SAMD5: variants seen among roughly 807,000 people sequenced by gnomAD.
SAMD5 encodes sterile alpha motif domain containing 5.
In SAMD5, 13 loss-of-function variants were observed where a neutral mutation model predicts 11.3. The ratio of observed to expected loss-of-function variants is 1.15; its 90% CI spans 0.75 to 1.83. The LOEUF (loss-of-function observed/expected upper bound fraction) is 1.83, where lower values mean the gene tolerates loss of function less well. Among genes scored for constraint, SAMD5 ranks in the 40% most tolerant of loss-of-function variants. The pLI, the probability that SAMD5 is intolerant of heterozygous loss-of-function variation, is 0.00. For missense variants in SAMD5, 255 were observed against 239.1 expected, an observed-to-expected ratio of 1.07 and a Z score of -0.44; for synonymous variants, 129 against 111.3, an observed-to-expected ratio of 1.16 and a Z score of -1.00.
intron 1 of SAMD5, among the ~76,000 whole-genome samples, chr6:147,683,125 G>T (rs1372926789): frequency 6.6e-6 from 1 of 152,172 alleles, no homozygotes; most frequent in Non-Finnish European, 1.5e-5. Context: ...TGATCATTGG[G>T]GCAGAGATTA....
Position 147,619,903 on chromosome 6 carries a change from C to A in SAMD5, c.162+110516C>A, listed in dbSNP as rs377333128. Among the ~76,000 whole-genome samples the A allele has an allele frequency of 5.8e-4, 89 of 152,330 alleles. 1 individual carries two copies. Among genetic ancestry groups the A allele is most frequent in the African/African-American group, 2.1e-3 (86 of 41,584 alleles). ...CTGGCTGTCCCTGATGGAGTCACTG[C>A]AGAGGGTCTAGTGGAATCCTAAGAG... On this transcript the variant is annotated intron_variant, in intron 1 of 1. Coordinates refer to the SAMD5 transcript ENST00000566741.
chr6:147,596,203 GTGTT>G (rs1292015069), intron 1 of SAMD5, among the ~76,000 whole-genome samples: 2 of 152,124 alleles, frequency 1.3e-5, no homozygotes, highest in Non-Finnish European at 2.9e-5. Context: ...CCAGGATTCT[GTGTT>G]TGTTGATTCT....
chr6:147,946,439 A>G, the SAMD5 span, among the ~76,000 whole-genome samples: 1 of 152,214 alleles, frequency 6.6e-6, no homozygotes, highest in Admixed American at 6.5e-5. Context: ...GAACTTTTTC[A>G]TGGAGCAGTA....
chr6:147,606,978 A>AAAAAAAAAC (rs397708065), intron 1 of SAMD5, among the ~76,000 whole-genome samples: 24 of 148,238 alleles, frequency 1.6e-4, no homozygotes, highest in African/African-American at 4.3e-4. Flanking sequence ...AAAAAAAAAA[A>AAAAAAAAAC]CAGAAAGAGA....
the SAMD5 span, among the ~76,000 whole-genome samples, chr6:147,771,957 C>T: frequency 6.6e-6 from 1 of 152,092 alleles, no homozygotes; most frequent in Admixed American, 6.6e-5. Context: ...TAAACATTTA[C>T]TGAAAGAAAA....
chr6:147,871,295 A>G, the SAMD5 span, among the ~76,000 whole-genome samples: 1 of 152,100 alleles, frequency 6.6e-6, no homozygotes, highest in Non-Finnish European at 1.5e-5. Flanking sequence ...CATATGACAA[A>G]TTTTTTTCTT....
At chr6:147,562,823 A>C (rs1788974939) in intron 1 of SAMD5, among the ~76,000 whole-genome samples, 1 of 151,522 alleles carries the variant, frequency 6.6e-6, no homozygotes, top group Admixed American at 6.6e-5. Context: ...CTCCGTCTCA[A>C]AAAAAAATAA....
At chr6:147,800,110 G>A in the SAMD5 span, among the ~76,000 whole-genome samples, 1 of 152,234 alleles carries the variant, frequency 6.6e-6, no homozygotes. Flanking sequence ...CATTGCTGGT[G>A]AGGAACTGCA....
chr6:147,535,363 A>G (rs1788492418), intron 1 of SAMD5, among the ~76,000 whole-genome samples: 1 of 152,218 alleles, frequency 6.6e-6, no homozygotes, highest in African/African-American at 2.4e-5. Context: ...AAGTCCTAGG[A>G]TGAGGAGTAC....
At chr6:147,733,682 A>G (rs935590528) in intron 1 of SAMD5, 3 of 298,846 alleles carry the variant, frequency 1.0e-5, no homozygotes, top group African/African-American at 4.5e-5. Flanking sequence ...AAGAATTGCT[A>G]TACTAAATGT....
the SAMD5 span, among the ~76,000 whole-genome samples, chr6:147,870,332 C>A: frequency 3.3e-5 from 5 of 152,044 alleles, no homozygotes; most frequent in South Asian, 6.2e-4. Context: ...TTCTCAGAGG[C>A]CTTCCCTTAT....
At chr6:147,929,964 C>G in the SAMD5 span, among the ~76,000 whole-genome samples, 12 of 152,078 alleles carry the variant, frequency 7.9e-5, no homozygotes, top group Non-Finnish European at 1.6e-4. Context: ...GAGGAAAAAT[C>G]CTTTATTGTA....
intron 1 of SAMD5, among the ~76,000 whole-genome samples, chr6:147,581,335 CCTATATGTGTGCATCT>C (rs1239253627): frequency 6.6e-6 from 1 of 152,122 alleles, no homozygotes; most frequent in Non-Finnish European, 1.5e-5. Flanking sequence ...TTGGAAGTTA[CCTATATGTGTGCATCT>C]CTGGAGAAAG....
chr6:147,781,164 T>G, the SAMD5 span, among the ~76,000 whole-genome samples: 1 of 151,832 alleles, frequency 6.6e-6, no homozygotes, highest in African/African-American at 2.4e-5. Flanking sequence ...GATTTGTTTT[T>G]TTTTTTTTTG....
intron 1 of SAMD5, among the ~76,000 whole-genome samples, chr6:147,519,140 G>T (rs1056688158): frequency 4.6e-5 from 7 of 152,134 alleles, no homozygotes; most frequent in African/African-American, 1.7e-4. Flanking sequence ...AAAACAGTTG[G>T]TATGTATTCT....
chr6:147,918,642 G>A, the SAMD5 span, among the ~76,000 whole-genome samples: 5 of 151,452 alleles, frequency 3.3e-5, no homozygotes, highest in Non-Finnish European at 7.4e-5. Flanking sequence ...AGCAACTTCA[G>A]GGAAGACTCA....
chr6:147,945,011 G>T, the SAMD5 span, among the ~76,000 whole-genome samples: 49 of 152,268 alleles, frequency 3.2e-4, no homozygotes, highest in Middle Eastern at 3.4e-3. Context: ...ATCATTGCCT[G>T]CCAATTGCAT....
chr6:147,665,309 T>C (rs981269347), intron 1 of SAMD5, among the ~76,000 whole-genome samples: 1 of 152,236 alleles, frequency 6.6e-6, no homozygotes, highest in Non-Finnish European at 1.5e-5. Flanking sequence ...GTTTTGAAAG[T>C]GTTTTAATAA....
chr6:147,676,741 C>T (rs999098480), intron 1 of SAMD5, among the ~76,000 whole-genome samples: 4 of 143,910 alleles, frequency 2.8e-5, no homozygotes, highest in East Asian at 4.1e-4. Flanking sequence ...CTTGAAGAAG[C>T]GATAGAAATA....
Sources: allele counts gnomAD v4.1 joint callset (sites outside exome capture counted in the v4.1 genomes callset), GRCh38; gene constraint gnomAD v4.1.1; transcripts MANE v1.5; gene names NCBI Gene and HGNC (gene_info 2026-07-23, HGNC 2026-07-21).